Variants in SOX5 observed in about 807,000 individuals in gnomAD.
SOX5 encodes SRY-box transcription factor 5.
Under a neutral mutation model 92.0 loss-of-function variants are expected in SOX5, and 9 were observed. That is an observed-to-expected ratio of 0.10 (90% CI 0.06 to 0.17). SOX5 has a LOEUF of 0.17. SOX5 is among the 10% of genes least tolerant of loss of function. SOX5 has a pLI of 1.00. For synonymous variants in SOX5, 344 were observed against 336.3 expected, an observed-to-expected ratio of 1.02 and a Z score of -0.25; for missense variants, 642 against 944.5, an observed-to-expected ratio of 0.68 and a Z score of 4.20.
chr12:23,994,821 G>A (rs1421475708), intron 4 of SOX5, among the ~76,000 whole-genome samples: 2 of 152,182 alleles, frequency 1.3e-5, no homozygotes, highest in East Asian at 3.9e-4. Flanking sequence ...GGAAAAGTTG[G>A]AATGAGCTTT....
At chr12:24,191,729 T>C (rs1594108279) in intron 4 of SOX5, among the ~76,000 whole-genome samples, 2 of 152,210 alleles carry the variant, frequency 1.3e-5, no homozygotes, top group Admixed American at 1.3e-4. Flanking sequence ...GTACAACAGG[T>C]ATTTTCAGAT....
At chr12:23,853,064 AAAG>A in intron 2 of SOX5, among the ~76,000 whole-genome samples, 1 of 151,776 alleles carries the variant, frequency 6.6e-6, no homozygotes, top group African/African-American at 2.4e-5. Context: ...CCAGGGAGGA[AAAG>A]AAGGATAGTG....
chr12:24,278,406 T>A (rs1265039892), intron 2 of SOX5, among the ~76,000 whole-genome samples: 1 of 152,000 alleles, frequency 6.6e-6, no homozygotes, highest in African/African-American at 2.4e-5. Flanking sequence ...AAGAGAAAAA[T>A]TATCATTAAA....
At chr12:24,466,646 C>T (rs186740711) in intron 1 of SOX5, among the ~76,000 whole-genome samples, 1 of 152,284 alleles carries the variant, frequency 6.6e-6, no homozygotes, top group East Asian at 1.9e-4. Flanking sequence ...AAACATTATG[C>T]ATTAGATCCT....
chr12:23,734,598 G>A, intron 6 of SOX5, 86 bp downstream of exon 6: 1 of 957,776 alleles, frequency 1.0e-6, no homozygotes, highest in South Asian at 1.6e-5. Flanking sequence ...TTTTATTTTG[G>A]AGGTCATTTC....
At chr12:24,252,087 C>T (rs2140166064) in intron 3 of SOX5, among the ~76,000 whole-genome samples, 1 of 152,130 alleles carries the variant, frequency 6.6e-6, no homozygotes, top group Middle Eastern at 3.4e-3. Context: ...CAAATCTCAA[C>T]AGTGAAGAAA....
chr12:24,518,734 CAAGGTGTTA>C (rs1950013091), intron 1 of SOX5, among the ~76,000 whole-genome samples: 1 of 152,130 alleles, frequency 6.6e-6, no homozygotes. Context: ...TGGAATTTTC[CAAGGTGTTA>C]ATTAAAAGTT....
intron 4 of SOX5, among the ~76,000 whole-genome samples, chr12:23,990,784 C>T (rs1259137869): frequency 2.0e-5 from 3 of 152,056 alleles, no homozygotes; most frequent in East Asian, 1.9e-4. Context: ...TAAGCACCTA[C>T]CCATGCCTAG....
At chr12:23,895,113 A>C (rs2097163883) in intron 2 of SOX5, among the ~76,000 whole-genome samples, 1 of 151,492 alleles carries the variant, frequency 6.6e-6, no homozygotes, top group Non-Finnish European at 1.5e-5. Flanking sequence ...CCTCTCATCC[A>C]CAAAGTCCTG....
At chr12:23,551,349 C>T (rs1944177993) in intron 11 of SOX5, among the ~76,000 whole-genome samples, 1 of 151,846 alleles carries the variant, frequency 6.6e-6, no homozygotes, top group Non-Finnish European at 1.5e-5. Context: ...AAATAAGGCG[C>T]ATGTCCACTC....
intron 3 of SOX5, among the ~76,000 whole-genome samples, chr12:24,219,843 A>T (rs1434171972): frequency 6.6e-6 from 1 of 152,178 alleles, no homozygotes; most frequent in East Asian, 1.9e-4. Flanking sequence ...AGCACTTATT[A>T]TAAGATATTG....
chr12:24,199,098 T>A (rs1957282604), intron 4 of SOX5, among the ~76,000 whole-genome samples: 1 of 152,116 alleles, frequency 6.6e-6, no homozygotes, highest in Admixed American at 6.5e-5. Flanking sequence ...GTCGGCCTGA[T>A]GAGGTCTCAC....
intron 2 of SOX5, among the ~76,000 whole-genome samples, chr12:24,359,574 A>G (rs1404637671): frequency 6.6e-6 from 1 of 152,232 alleles, no homozygotes; most frequent in Admixed American, 6.5e-5. Flanking sequence ...AGAGATCTGA[A>G]TAATTCAGAC....
intron 3 of SOX5, among the ~76,000 whole-genome samples, chr12:23,788,934 C>A (rs11047097): frequency 0.11 from 16,335 of 151,758 alleles, 1,013 homozygotes; most frequent in East Asian, 0.2. Context: ...AAACCTAATA[C>A]AAGATAAAAA....
At chr12:23,572,470 A>G (rs1191282126) in intron 10 of SOX5, among the ~76,000 whole-genome samples, 3 of 150,514 alleles carry the variant, frequency 2.0e-5, no homozygotes, top group Non-Finnish European at 4.4e-5. Flanking sequence ...AAAAAAAAAG[A>G]GATGTTTTAG....
At chr12:24,130,649 G>T (rs971788737) in intron 4 of SOX5, among the ~76,000 whole-genome samples, 1 of 152,226 alleles carries the variant, frequency 6.6e-6, no homozygotes, top group South Asian at 2.1e-4. Context: ...AAGGAGACAG[G>T]GTCCAGCACC....
At chr12:24,286,722 C>A (rs1413861666) in intron 2 of SOX5, among the ~76,000 whole-genome samples, 1 of 151,996 alleles carries the variant, frequency 6.6e-6, no homozygotes, top group Non-Finnish European at 1.5e-5. Context: ...GGACACAGAT[C>A]TCAGTACATT....
At chr12:23,990,740 G>A (rs1169488217) in intron 4 of SOX5, among the ~76,000 whole-genome samples, 1 of 151,998 alleles carries the variant, frequency 6.6e-6, no homozygotes, top group African/African-American at 2.4e-5. Flanking sequence ...AACAGACATT[G>A]TCTATTTCTT....
chr12:23,722,019 T>C (rs1247452142), intron 6 of SOX5, among the ~76,000 whole-genome samples: 1 of 152,234 alleles, frequency 6.6e-6, no homozygotes, highest in Non-Finnish European at 1.5e-5. Context: ...ATCTACCTTG[T>C]TAGGGGTCCA....
Sources: allele counts gnomAD v4.1 joint callset (sites outside exome capture counted in the v4.1 genomes callset), GRCh38; gene constraint gnomAD v4.1.1; transcripts MANE v1.5; gene names NCBI Gene and HGNC (gene_info 2026-07-23, HGNC 2026-07-21).